TENM3: variants seen among roughly 807,000 people sequenced by gnomAD.
TENM3 encodes teneurin transmembrane protein 3.
In TENM3, 63 loss-of-function variants were observed where a neutral mutation model predicts 255.1. The observed-to-expected ratio is 0.25, with a 90% CI of 0.20 to 0.30. TENM3 has a LOEUF of 0.30. Among genes scored for constraint, TENM3 ranks in the 10% least tolerant of loss-of-function variants. The pLI is 1.00. For missense variants in TENM3, 2,929 were observed against 3,461.1 expected (o/e 0.85, Z 3.86); for synonymous variants, 1,306 against 1,322.3 (o/e 0.99, Z 0.27).
chr4:181,721,461 G>A, the TENM3 span, among the ~76,000 whole-genome samples: 8 of 140,792 alleles, frequency 5.7e-5, no homozygotes, highest in African/African-American at 1.5e-4. Flanking sequence ...TTAGCCGGGT[G>A]TGGTGGCGGG....
intron 3 of TENM3, among the ~76,000 whole-genome samples, chr4:182,546,091 T>C (rs1413732600): frequency 6.6e-6 from 1 of 152,204 alleles, no homozygotes; most frequent in Admixed American, 6.5e-5. Context: ...TTACTGTTCA[T>C]TAAGTGGAAG....
the TENM3 span, among the ~76,000 whole-genome samples, chr4:182,095,647 G>C: frequency 6.6e-6 from 1 of 152,090 alleles, no homozygotes; most frequent in African/African-American, 2.4e-5. Flanking sequence ...ATAATACCTG[G>C]TGTTCAGTAG....
At chr4:182,616,598 G>A (rs1749559415) in intron 4 of TENM3, among the ~76,000 whole-genome samples, 1 of 142,000 alleles carries the variant, frequency 7.0e-6, no homozygotes, top group African/African-American at 2.5e-5. Flanking sequence ...AAAAAGATAG[G>A]TAACTGCAGA....
chr4:181,623,458 G>C, the TENM3 span, among the ~76,000 whole-genome samples: 1 of 152,176 alleles, frequency 6.6e-6, no homozygotes, highest in South Asian at 2.1e-4. Context: ...AGGAGAGTTA[G>C]GCTAACTTTT....
the TENM3 span, among the ~76,000 whole-genome samples, chr4:181,467,844 C>G: frequency 1.3e-5 from 2 of 152,102 alleles, no homozygotes; most frequent in Non-Finnish European, 2.9e-5. Flanking sequence ...TAAAAGTTGT[C>G]TTTCAAAGAC....
chr4:182,695,958 G>A (rs1161829471), intron 12 of TENM3, among the ~76,000 whole-genome samples: 3 of 152,164 alleles, frequency 2.0e-5, no homozygotes, highest in Non-Finnish European at 4.4e-5. Context: ...GAGTTCAACA[G>A]TGTGTGAAAT....
chr4:181,489,076 G>A, the TENM3 span, among the ~76,000 whole-genome samples: 1 of 152,126 alleles, frequency 6.6e-6, no homozygotes, highest in African/African-American at 2.4e-5. Flanking sequence ...CTGGAAATTG[G>A]CAGGGTGCTG....
rs186423054 is a variant in TENM3, at chr4:182,264,644, C to T, written c.-76+21168C>T. 4.3e-3 allele frequency among the ~76,000 whole-genome samples: 649 copies of T among 152,268 alleles called. 4 individuals carry two copies. Among genetic ancestry groups the T allele is most frequent in the African/African-American group, 0.015 (625 of 41,552 alleles). Reference sequence around the variant, plus strand: ...CCTGCCTAGAAAGTAAGTCATTTCTCGTTTGATTATCTGCATGACCTTGTC... The same window carrying T: ...CCTGCCTAGAAAGTAAGTCATTTCTTGTTTGATTATCTGCATGACCTTGTC... On this transcript the variant is annotated intron_variant, in intron 1 of 27. Transcript: ENST00000511685.
chr4:181,547,937 C>T, the TENM3 span, among the ~76,000 whole-genome samples: 1 of 151,960 alleles, frequency 6.6e-6, no homozygotes, highest in Non-Finnish European at 1.5e-5. Context: ...TTACATATAT[C>T]TCCTAATGCT....
At chr4:182,761,572 G>A (rs1223157503) in intron 22 of TENM3, among the ~76,000 whole-genome samples, 1 of 151,770 alleles carries the variant, frequency 6.6e-6, no homozygotes, top group Admixed American at 6.6e-5. Flanking sequence ...ATTAAAAACT[G>A]AGCAGCCCAC....
chr4:182,177,607 T>C (rs1008653122), intron 1 of TENM3, among the ~76,000 whole-genome samples: 2 of 128,432 alleles, frequency 1.6e-5, no homozygotes, highest in African/African-American at 2.5e-5. Context: ...CATACATATA[T>C]ATATATATTT....
the TENM3 span, among the ~76,000 whole-genome samples, chr4:181,987,472 G>A: frequency 6.6e-6 from 1 of 152,060 alleles, no homozygotes; most frequent in African/African-American, 2.4e-5. Flanking sequence ...CAGTTTCTCT[G>A]GATGACAATC....
the TENM3 span, among the ~76,000 whole-genome samples, chr4:181,844,670 A>AAAAAT: frequency 6.6e-6 from 1 of 151,794 alleles, no homozygotes; most frequent in South Asian, 2.1e-4. Flanking sequence ...TCCGTCTCAA[A>AAAAAT]AAAATAAAAT....
At chr4:181,522,787 A>G in the TENM3 span, 1 of 807,242 alleles carries the variant, frequency 1.2e-6, no homozygotes, top group Non-Finnish European at 2.2e-6. Flanking sequence ...CTGGATCTGG[A>G]TCCTGGTCAA....
At chr4:182,462,095 C>T (rs1450730156) in intron 3 of TENM3, among the ~76,000 whole-genome samples, 1 of 149,064 alleles carries the variant, frequency 6.7e-6, no homozygotes, top group Non-Finnish European at 1.5e-5. Context: ...CAAATTGAGA[C>T]AGGGTCTCTG....
At chr4:181,612,490 A>ATGTGTGTGTGTGTGTG in the TENM3 span, among the ~76,000 whole-genome samples, 648 of 148,428 alleles carry the variant, frequency 4.4e-3, 6 homozygotes, top group Middle Eastern at 6.8e-3. Flanking sequence ...TTTGGTTAAG[A>ATGTGTGTGTGTGTGTG]TGTGTGTGTG....
intron 3 of TENM3, among the ~76,000 whole-genome samples, chr4:182,534,698 G>A (rs1237349783): frequency 1.3e-5 from 2 of 152,208 alleles, no homozygotes; most frequent in African/African-American, 2.4e-5. Flanking sequence ...GAAGATAAGC[G>A]ATGGAGATAG....
the TENM3 span, among the ~76,000 whole-genome samples, chr4:181,886,661 A>C: frequency 6.6e-6 from 1 of 151,558 alleles, no homozygotes; most frequent in Non-Finnish European, 1.5e-5. Flanking sequence ...TACCATCATT[A>C]AGAAAAATCT....
At chr4:182,108,803 C>A in the TENM3 span, among the ~76,000 whole-genome samples, 1 of 152,132 alleles carries the variant, frequency 6.6e-6, no homozygotes, top group Non-Finnish European at 1.5e-5. Flanking sequence ...GAATAAGCAA[C>A]CTCAAGTCTT....
Sources: allele counts gnomAD v4.1 joint callset (sites outside exome capture counted in the v4.1 genomes callset), GRCh38; gene constraint gnomAD v4.1.1; transcripts MANE v1.5; gene names NCBI Gene and HGNC (gene_info 2026-07-23, HGNC 2026-07-21).